Variants in CSMD1 observed in about 807,000 individuals in gnomAD.
The protein encoded by CSMD1 is CUB and sushi domain-containing protein 1.
Under a neutral mutation model 417.5 loss-of-function variants are expected in CSMD1, and 213 were observed. That is an observed-to-expected ratio of 0.51 (90% CI 0.46 to 0.57). The LOEUF is 0.57. Among genes scored for constraint, CSMD1 ranks in the 20% least tolerant of loss-of-function variants. The pLI is 0.00. For missense variants in CSMD1, 6,923 were observed against 4,529.7 expected, an observed-to-expected ratio of 1.53 and a Z score of -15.17; for synonymous variants, 2,862 against 1,736.8, an observed-to-expected ratio of 1.65 and a Z score of -16.11.
At chr8:4,888,750 AG>A (rs774615428) in intron 1 of CSMD1, among the ~76,000 whole-genome samples, 1 of 152,114 alleles carries the variant, frequency 6.6e-6, no homozygotes, top group East Asian at 1.9e-4. Context: ...GATATGTGTT[AG>A]GGCTAAAAAG....
intron 3 of CSMD1, among the ~76,000 whole-genome samples, chr8:4,055,975 C>A (rs1798668773): frequency 6.6e-6 from 1 of 152,044 alleles, no homozygotes; most frequent in Admixed American, 6.6e-5. Flanking sequence ...CCTGAGTTTT[C>A]CCCTACTAGA....
intron 7 of CSMD1, among the ~76,000 whole-genome samples, chr8:3,705,802 T>G (rs560395355): frequency 8.5e-5 from 13 of 152,272 alleles, no homozygotes; most frequent in African/African-American, 2.9e-4. Flanking sequence ...AACCCAGATC[T>G]TGGGGTGAAG....
At chr8:3,241,123 A>G (rs1403389780) in intron 26 of CSMD1, among the ~76,000 whole-genome samples, 1 of 151,614 alleles carries the variant, frequency 6.6e-6, no homozygotes, top group African/African-American at 2.4e-5. Context: ...AAGGGCGGCA[A>G]TGAGATGTAG....
intron 1 of CSMD1, among the ~76,000 whole-genome samples, chr8:4,881,658 T>A (rs1417531698): frequency 6.6e-6 from 1 of 151,952 alleles, no homozygotes; most frequent in Non-Finnish European, 1.5e-5. Flanking sequence ...AAGTTTTAAA[T>A]ACATAAAGAG....
chr8:3,532,732 G>T (rs544505807), intron 10 of CSMD1, among the ~76,000 whole-genome samples: 2 of 152,120 alleles, frequency 1.3e-5, no homozygotes, highest in African/African-American at 4.8e-5. Context: ...CTTTCAGTAT[G>T]TCATATCTAT....
intron 3 of CSMD1, among the ~76,000 whole-genome samples, chr8:4,388,907 A>G (rs1379843891): frequency 6.6e-6 from 1 of 152,106 alleles, no homozygotes; most frequent in African/African-American, 2.4e-5. Context: ...TCATCCAGCT[A>G]TTTGTTCAAA....
intron 3 of CSMD1, among the ~76,000 whole-genome samples, chr8:4,346,054 G>A (rs1800762320): frequency 6.6e-6 from 1 of 152,066 alleles, no homozygotes; most frequent in African/African-American, 2.4e-5. Context: ...GATTGTTCAT[G>A]GTCCATGTGC....
intron 1 of CSMD1, among the ~76,000 whole-genome samples, chr8:4,851,927 C>T (rs987367584): frequency 6.6e-6 from 1 of 152,144 alleles, no homozygotes; most frequent in African/African-American, 2.4e-5. Context: ...CTTCATTCTC[C>T]CTCTGCCTTG....
intron 8 of CSMD1, among the ~76,000 whole-genome samples, chr8:3,591,816 G>A (rs2469366): frequency 0.99 from 151,253 of 152,252 alleles, 75,140 homozygotes; most frequent in Middle Eastern, 1. Context: ...TGGATAGACA[G>A]TGGATGGATA....
chr8:4,206,242 G>C (rs1799969972), intron 3 of CSMD1, among the ~76,000 whole-genome samples: 1 of 151,998 alleles, frequency 6.6e-6, no homozygotes, highest in Non-Finnish European at 1.5e-5. Context: ...ATGTGCACAA[G>C]GGGCAGGTTT....
chr8:4,914,091 T>C (rs1051584585), intron 1 of CSMD1, among the ~76,000 whole-genome samples: 1 of 152,150 alleles, frequency 6.6e-6, no homozygotes, highest in African/African-American at 2.4e-5. Context: ...AGGAAGATTT[T>C]ACATTTATGG....
intron 1 of CSMD1, among the ~76,000 whole-genome samples, chr8:4,991,580 C>T (rs995371739): frequency 1.3e-5 from 2 of 152,160 alleles, no homozygotes; most frequent in East Asian, 1.9e-4. Flanking sequence ...ACGGCAGTGG[C>T]CGGGCGCCCT....
At chr8:4,041,899 A>C (rs183867327) in intron 3 of CSMD1, among the ~76,000 whole-genome samples, 33 of 152,320 alleles carry the variant, frequency 2.2e-4, no homozygotes, top group Middle Eastern at 3.4e-3. Context: ...GGTAGAATAG[A>C]TATAGCAGAA....
chr8:4,095,526 T>C (rs1365826165), intron 3 of CSMD1, among the ~76,000 whole-genome samples: 2 of 152,250 alleles, frequency 1.3e-5, no homozygotes, highest in African/African-American at 4.8e-5. Context: ...CCCACTAGTA[T>C]CAATGTAAAC....
chr8:3,097,308 C>T (rs1364438017), intron 46 of CSMD1, among the ~76,000 whole-genome samples: 2 of 152,196 alleles, frequency 1.3e-5, no homozygotes, highest in African/African-American at 4.8e-5. Flanking sequence ...GGGGCAGATG[C>T]ATCCTGGATT....
At chr8:4,260,637 G>T (rs960650029) in intron 3 of CSMD1, among the ~76,000 whole-genome samples, 1 of 152,144 alleles carries the variant, frequency 6.6e-6, no homozygotes, top group African/African-American at 2.4e-5. Context: ...TTATTCATAA[G>T]TCCTTGTAAT....
At chr8:3,272,004 C>A (rs1801895049) in intron 26 of CSMD1, among the ~76,000 whole-genome samples, 1 of 151,840 alleles carries the variant, frequency 6.6e-6, no homozygotes, top group Admixed American at 6.6e-5. Flanking sequence ...CAGTCCTTGC[C>A]CATGCCTATG....
At position 4,371,188 on chromosome 8, in the gene CSMD1, C is replaced by G. The variant is rs537787300; in HGVS notation, c.415+48765G>C. On this transcript the variant is annotated intron_variant, in intron 3 of 69. Transcript: ENST00000635120. The stretch of plus-strand genomic sequence containing the variant: ...CTTTATTTCTGGATACTTTAGGGGT[C>G]AAGGCTCAGCTCCACACTGCTGGGC... Among the ~76,000 whole-genome samples, 5 of 152,200 alleles carry G rather than the reference C, an allele frequency of 3.3e-5. No individual in the cohort carries two copies. In the South Asian group the frequency reaches 1.0e-3, roughly 32 times the overall value.
intron 38 of CSMD1, among the ~76,000 whole-genome samples, chr8:3,161,001 C>G (rs1008188268): frequency 6.6e-6 from 1 of 152,170 alleles, no homozygotes; most frequent in East Asian, 1.9e-4. Context: ...AAGAACATAG[C>G]TAAACAATTT....
Sources: gnomAD v4.1 joint callset for allele counts (sites outside exome capture counted in the v4.1 genomes callset) on GRCh38, gnomAD v4.1.1 for gene constraint, MANE v1.5 for transcripts, NCBI Gene and HGNC (gene_info 2026-07-23, HGNC 2026-07-21) for gene names.